Variants in SLC2A9 observed in about 807,000 individuals in gnomAD.
The protein encoded by SLC2A9 is solute carrier family 2 member 9, also known as solute carrier family 2, facilitated glucose transporter member 9.
Under a neutral mutation model 50.6 loss-of-function variants are expected in SLC2A9, and 39 were observed. The ratio of observed to expected loss-of-function variants is 0.77; its 90% CI spans 0.60 to 1.01. SLC2A9 has a LOEUF of 1.01. SLC2A9 is among the 50% of genes least tolerant of loss of function. SLC2A9 has a pLI of 0.00. For synonymous variants in SLC2A9, 324 were observed against 276.9 expected (o/e 1.17, Z -1.69); for missense variants, 686 against 677.6 (o/e 1.01, Z -0.14).
intron 10 of SLC2A9, among the ~76,000 whole-genome samples, chr4:9,861,156 G>C (rs1037788566): frequency 6.6e-6 from 1 of 152,124 alleles, no homozygotes; most frequent in Non-Finnish European, 1.5e-5. Context: ...GTTCCAACAG[G>C]TTGTACAGGA....
At chr4:9,902,679 A>G (rs1417717101) in intron 8 of SLC2A9, among the ~76,000 whole-genome samples, 1 of 152,118 alleles carries the variant, frequency 6.6e-6, no homozygotes, top group African/African-American at 2.4e-5. Context: ...GCACAATTCT[A>G]ATTTTTAGAG....
chr4:9,951,895 T>G (rs760088426), intron 5 of SLC2A9, among the ~76,000 whole-genome samples: 1 of 152,232 alleles, frequency 6.6e-6, no homozygotes, highest in African/African-American at 2.4e-5. Flanking sequence ...GGTTGCAGAA[T>G]TAGAGTAGGT....
At chr4:9,918,112 T>C (rs1043328811) in intron 7 of SLC2A9, among the ~76,000 whole-genome samples, 1 of 152,110 alleles carries the variant, frequency 6.6e-6, no homozygotes, top group Non-Finnish European at 1.5e-5. Flanking sequence ...TGGGGCTGTT[T>C]GGGGCTTGAA....
chr4:9,901,237 G>A (rs1319278898), intron 8 of SLC2A9, among the ~76,000 whole-genome samples: 1 of 152,024 alleles, frequency 6.6e-6, no homozygotes, highest in Non-Finnish European at 1.5e-5. Context: ...TGTAACATTT[G>A]TTAAATAAAC....
intron 7 of SLC2A9, among the ~76,000 whole-genome samples, chr4:9,911,063 G>A (rs902032843): frequency 2.6e-5 from 4 of 152,120 alleles, no homozygotes; most frequent in East Asian, 3.9e-4. Context: ...ACAGGTTGAT[G>A]GGTGCAGCAA....
At chr4:10,021,658 TG>T (rs1763515973), upstream of SLC2A9, among the ~76,000 whole-genome samples, 2 of 151,884 alleles carry the variant, frequency 1.3e-5, no homozygotes, top group South Asian at 4.2e-4. Flanking sequence ...TCTCCAGGAT[TG>T]CCACCCAGGG....
chr4:9,786,033 G>A (rs1032476316), intron 3 of SLC2A9, among the ~76,000 whole-genome samples: 1 of 152,174 alleles, frequency 6.6e-6, no homozygotes, highest in African/African-American at 2.4e-5. Context: ...GGAGGGAGTG[G>A]CAAGTGCAAA....
intron 2 of SLC2A9, among the ~76,000 whole-genome samples, 195 bp from the exon 3 acceptor site, chr4:9,997,136 C>T (rs1359543460): frequency 2.0e-5 from 3 of 152,252 alleles, no homozygotes; most frequent in Non-Finnish European, 1.5e-5. Context: ...TTATTATATT[C>T]AAATGAGCAT....
In SLC2A9 at chr4:9,963,777, T is replaced by G. The variant is rs377658675; in HGVS notation, c.681+16815A>C. On this transcript the variant is annotated intron_variant, in intron 5 of 11. Transcript: ENST00000264784. Reference sequence around the variant, plus strand: ...TGGGATCCTGGAATGGGATGTGGAGTCACAGTGGGATCCTCTACCTTTTGT... The same window carrying G: ...TGGGATCCTGGAATGGGATGTGGAGGCACAGTGGGATCCTCTACCTTTTGT... Among the ~76,000 whole-genome samples, 38 of 151,862 alleles carry G rather than the reference T, an allele frequency of 2.5e-4. No homozygotes were observed. The South Asian group carries it at 7.9e-3, about 32-fold the overall frequency.
intron 1 of SLC2A9, among the ~76,000 whole-genome samples, chr4:10,032,284 G>A (rs1763962384): frequency 6.6e-6 from 1 of 152,174 alleles, no homozygotes; most frequent in Admixed American, 6.5e-5. Flanking sequence ...ATCTGTAGAT[G>A]TGGGGTTGTG....
intron 10 of SLC2A9, among the ~76,000 whole-genome samples, chr4:9,846,062 C>A (rs906461373): frequency 6.6e-6 from 1 of 152,142 alleles, no homozygotes; most frequent in Non-Finnish European, 1.5e-5. Context: ...CTCCATTTAA[C>A]GGTGAAGAAG....
intron 5 of SLC2A9, among the ~76,000 whole-genome samples, chr4:9,977,971 T>G (rs1755080929): frequency 6.6e-6 from 1 of 152,190 alleles, no homozygotes; most frequent in African/African-American, 2.4e-5. Context: ...TGCACGCAAG[T>G]AAGATGCCAT....
intron 10 of SLC2A9, among the ~76,000 whole-genome samples, chr4:9,886,218 G>A (rs1577700140): frequency 6.6e-6 from 1 of 152,222 alleles, no homozygotes; most frequent in Admixed American, 6.5e-5. Context: ...CTAGCATAGG[G>A]CCGTAGGCTG....
At position 9,970,075 on chromosome 4, in the gene SLC2A9, T is replaced by A. The variant is rs572842192; in HGVS notation, c.681+10517A>T. 1.1e-3 allele frequency among the ~76,000 whole-genome samples: 168 copies of A among 152,322 alleles called. 5 individuals are homozygous for A. The South Asian group carries it at 0.034, about 31-fold the overall frequency. ...CTACACCATAAGCCAGGTGGAAAAC[T>A]GTGAGTCCTCAGAGTGTGGCAGTGG... is the stretch of plus-strand genomic sequence containing the variant. On this transcript the variant is annotated intron_variant, in intron 5 of 11. Transcript: ENST00000264784.
intron 8 of SLC2A9, among the ~76,000 whole-genome samples, chr4:9,892,801 A>G (rs1208106191): frequency 6.6e-6 from 1 of 152,206 alleles, no homozygotes; most frequent in Admixed American, 6.5e-5. Context: ...GCCTTGAACA[A>G]GTTAATTAAC....
intron 6 of SLC2A9, among the ~76,000 whole-genome samples, chr4:9,921,741 C>G (rs1299137741): frequency 1.3e-5 from 2 of 152,194 alleles, no homozygotes; most frequent in African/African-American, 4.8e-5. Flanking sequence ...ATGAGAAAAG[C>G]AGCTGAATGA....
At chr4:9,994,989 G>A (rs1311393422) in intron 3 of SLC2A9, among the ~76,000 whole-genome samples, 1 of 152,102 alleles carries the variant, frequency 6.6e-6, no homozygotes, top group Non-Finnish European at 1.5e-5. Context: ...CCAGCCTGTT[G>A]TCAAACAGTC....
At chr4:9,847,611 A>T (rs1184794391) in intron 10 of SLC2A9, among the ~76,000 whole-genome samples, 1 of 152,212 alleles carries the variant, frequency 6.6e-6, no homozygotes, top group East Asian at 1.9e-4. Context: ...TGGGGCATCA[A>T]TGGTGGCAGA....
At chr4:9,908,154 C>T in intron 8 of SLC2A9, 81 bp downstream of exon 8, 2 of 934,602 alleles carry the variant, frequency 2.1e-6, no homozygotes, top group Non-Finnish European at 3.6e-6. Flanking sequence ...AAAGCCTGTG[C>T]CTTAAAGGAC....
Sources: allele counts gnomAD v4.1 joint callset (sites outside exome capture counted in the v4.1 genomes callset), GRCh38; gene constraint gnomAD v4.1.1; transcripts MANE v1.5; gene names NCBI Gene and HGNC (gene_info 2026-07-23, HGNC 2026-07-21).